CCDC91: variants seen among roughly 807,000 people sequenced by gnomAD.
CCDC91 encodes coiled-coil domain-containing protein 91.
Under a neutral mutation model 63.2 loss-of-function variants are expected in CCDC91, and 48 were observed. The observed-to-expected ratio is 0.76, with a 90% CI of 0.60 to 0.97. The LOEUF is 0.97. Among genes scored for constraint, CCDC91 ranks in the 50% least tolerant of loss-of-function variants. The pLI is 0.00. For missense variants in CCDC91, 500 were observed against 494.6 expected (o/e 1.01, Z -0.10); for synonymous variants, 167 against 165.8 (o/e 1.01, Z -0.06).
intron 1 of CCDC91, among the ~76,000 whole-genome samples, chr12:28,196,662 T>C (rs1480219518): frequency 6.6e-6 from 1 of 152,170 alleles, no homozygotes; most frequent in Admixed American, 6.5e-5. Context: ...TAATCACAAG[T>C]GAATGTTATA....
intron 11 of CCDC91, among the ~76,000 whole-genome samples, chr12:28,475,138 A>G (rs1446899688): frequency 1.3e-5 from 2 of 152,160 alleles, no homozygotes; most frequent in South Asian, 2.1e-4. Flanking sequence ...ATTTTAAGGA[A>G]TTAGAGAGTT....
chr12:28,244,449 C>T (rs1422146548), intron 1 of CCDC91, among the ~76,000 whole-genome samples: 13 of 125,922 alleles, frequency 1.0e-4, no homozygotes, highest in African/African-American at 3.7e-4. Flanking sequence ...TTTTATTATG[C>T]TTATGAATTC....
intron 1 of CCDC91, among the ~76,000 whole-genome samples, chr12:28,237,997 A>G (rs1202244311): frequency 6.6e-6 from 1 of 152,062 alleles, no homozygotes. Context: ...TTTTTTCCCT[A>G]TATCAATCCC....
intron 3 of CCDC91, among the ~76,000 whole-genome samples, chr12:28,267,905 T>TAGATAATTATTATATATA (rs1947425667): frequency 7.2e-5 from 4 of 55,740 alleles, no homozygotes; most frequent in Non-Finnish European, 1.7e-4. Context: ...TATATAATTA[T>TAGATAATTATTATATATA]ATTATATATA....
intron 11 of CCDC91, among the ~76,000 whole-genome samples, chr12:28,458,280 G>A (rs1173608295): frequency 2.0e-5 from 3 of 151,278 alleles, no homozygotes; most frequent in Non-Finnish European, 4.4e-5. Flanking sequence ...ATTATCAAAT[G>A]TATCATATCT....
intron 3 of CCDC91, among the ~76,000 whole-genome samples, chr12:28,260,329 G>A (rs1385319645): frequency 1.3e-5 from 2 of 151,808 alleles, no homozygotes; most frequent in Admixed American, 6.6e-5. Context: ...TTCTCTGAAG[G>A]GTGCATATAA....
chr12:28,349,972 CT>C (rs1943070970), intron 6 of CCDC91, among the ~76,000 whole-genome samples: 2 of 152,212 alleles, frequency 1.3e-5, no homozygotes, highest in African/African-American at 4.8e-5. Context: ...TACTTTGCTG[CT>C]ACCAAATCCT....
intron 11 of CCDC91, among the ~76,000 whole-genome samples, chr12:28,471,354 C>A (rs981091030): frequency 2.0e-5 from 3 of 152,144 alleles, no homozygotes; most frequent in Non-Finnish European, 2.9e-5. Flanking sequence ...AGACATTTTA[C>A]AGAGAAACTA....
chr12:28,284,428 G>A (rs749562110), intron 3 of CCDC91, among the ~76,000 whole-genome samples: 45 of 152,056 alleles, frequency 3.0e-4, no homozygotes, highest in Non-Finnish European at 4.6e-4. Context: ...TGAGGTGGGC[G>A]GATCATCTGA....
chr12:28,288,748 G>A (rs1949050266), intron 3 of CCDC91, among the ~76,000 whole-genome samples: 1 of 152,182 alleles, frequency 6.6e-6, no homozygotes, highest in South Asian at 2.1e-4. Flanking sequence ...AATAGTTTCA[G>A]TAGGAATAGT....
chr12:28,363,295 CTCTT>C (rs1944024116), intron 7 of CCDC91, among the ~76,000 whole-genome samples: 1 of 152,000 alleles, frequency 6.6e-6, no homozygotes, highest in Admixed American at 6.6e-5. Flanking sequence ...ACTAAATTTA[CTCTT>C]TCTTGCTGTA....
chr12:28,501,469 T>G (rs1937858285), intron 12 of CCDC91, among the ~76,000 whole-genome samples: 1 of 152,042 alleles, frequency 6.6e-6, no homozygotes, highest in African/African-American at 2.4e-5. Flanking sequence ...CATAATCATG[T>G]GGTTTTTGTC....
chr12:28,547,740 C>T (rs1943088080), intron 12 of CCDC91, among the ~76,000 whole-genome samples: 1 of 152,070 alleles, frequency 6.6e-6, no homozygotes, highest in African/African-American at 2.4e-5. Flanking sequence ...AATGATTTTA[C>T]AGGAGCATTT....
intron 12 of CCDC91, among the ~76,000 whole-genome samples, chr12:28,488,641 C>T (rs7306581): frequency 0.38 from 58,082 of 151,518 alleles, 11,497 homozygotes; most frequent in Middle Eastern, 0.48. Context: ...GTAGCCTTAA[C>T]ACTCATAAAT....
intron 3 of CCDC91, among the ~76,000 whole-genome samples, chr12:28,299,920 ATAT>A (rs913943567): frequency 2.0e-5 from 3 of 151,328 alleles, no homozygotes; most frequent in African/African-American, 7.3e-5. Flanking sequence ...CATGTTATAC[ATAT>A]TATTGTTTTC....
At chr12:28,535,360 GACC>G (rs1489656156) in intron 12 of CCDC91, among the ~76,000 whole-genome samples, 3 of 152,142 alleles carry the variant, frequency 2.0e-5, no homozygotes, top group Non-Finnish European at 4.4e-5. Context: ...GTCTGCATTT[GACC>G]ACAGATTATT....
intron 1 of CCDC91, among the ~76,000 whole-genome samples, chr12:28,228,636 A>G (rs893227499): frequency 2.0e-5 from 3 of 152,008 alleles, no homozygotes; most frequent in Non-Finnish European, 2.9e-5. Flanking sequence ...AAATCTGCCT[A>G]CCTTTAACTT....
At chr12:28,242,170 G>A (rs1289179734) in intron 1 of CCDC91, among the ~76,000 whole-genome samples, 2 of 152,026 alleles carry the variant, frequency 1.3e-5, no homozygotes, top group African/African-American at 4.8e-5. Flanking sequence ...GCCCTGAGGG[G>A]GTGCCAGGGG....
At chr12:28,529,999 TA>T (rs1751107176) in intron 12 of CCDC91, among the ~76,000 whole-genome samples, 1 of 152,202 alleles carries the variant, frequency 6.6e-6, no homozygotes, top group South Asian at 2.1e-4. Context: ...TGAAAAATGC[TA>T]AGAAATAGTA....
Sources: allele counts gnomAD v4.1 joint callset (sites outside exome capture counted in the v4.1 genomes callset), GRCh38; gene constraint gnomAD v4.1.1; transcripts MANE v1.5; gene names NCBI Gene and HGNC (gene_info 2026-07-23, HGNC 2026-07-21).